The following CCDC180 variants were observed in gnomAD, a reference collection of about 807,000 sequenced individuals.
CCDC180 encodes the protein coiled-coil domain-containing protein 180.
In CCDC180, 154 loss-of-function variants were observed where a neutral mutation model predicts 209.2. The ratio of observed to expected loss-of-function variants is 0.74; its 90% CI spans 0.65 to 0.84. CCDC180 has a LOEUF of 0.84. Among genes scored for constraint, CCDC180 ranks in the 40% least tolerant of loss-of-function variants. The pLI is 0.00. For missense variants in CCDC180, 1,874 were observed against 1,997.3 expected (o/e 0.94, Z 1.18); for synonymous variants, 778 against 749.1 (o/e 1.04, Z -0.63).
At chr9:97,338,277 A>G (rs888786949) in intron 18 of CCDC180, among the ~76,000 whole-genome samples, 7 of 152,096 alleles carry the variant, frequency 4.6e-5, no homozygotes, top group Admixed American at 3.3e-4. Context: ...TAGATCTTTC[A>G]TGCTTTCTCT....
intron 16 of CCDC180, among the ~76,000 whole-genome samples, chr9:97,329,757 TG>T (rs2118679539): frequency 6.6e-6 from 1 of 152,224 alleles, no homozygotes; most frequent in South Asian, 2.1e-4. Flanking sequence ...AGGGGAGGGA[TG>T]GGTCCTTTTA....
intron 22 of CCDC180, among the ~76,000 whole-genome samples, chr9:97,351,337 T>TAA (rs1826414814): frequency 1.3e-5 from 2 of 152,230 alleles, no homozygotes; most frequent in African/African-American, 4.8e-5. Flanking sequence ...TGTTTTTTGT[T>TAA]TTTTATAATA....
chr9:97,309,657 C>G (rs1832916413), intron 3 of CCDC180, 53 bp downstream of exon 3: 1 of 1,405,310 alleles, frequency 7.1e-7, no homozygotes, highest in Admixed American at 2.9e-5. Context: ...CCTGAGCCTT[C>G]AAAAACTCAA....
intron 24 of CCDC180, among the ~76,000 whole-genome samples, chr9:97,356,745 C>A (rs1826596522): frequency 6.6e-6 from 1 of 152,236 alleles, no homozygotes; most frequent in Admixed American, 6.5e-5. Flanking sequence ...GGTTGCATTT[C>A]AAAATATCTA....
At position 97,307,682 on chromosome 9, in the gene CCDC180, A is replaced by C. The variant is rs1298003077; in HGVS notation, c.-206A>C. 1.9e-6 allele frequency: 3 copies of C among 1,558,620 alleles called. No individual in the cohort carries two copies. The highest frequency in any genetic ancestry group is 1.8e-6 in the Non-Finnish European group (2 of 1,133,152). Reference sequence around the variant, plus strand: ...TTGAGCGCCGTTAACTTTTCCCCGAAGAGCATGGCAGAGTGAAGCACAAGC... The same window carrying C: ...TTGAGCGCCGTTAACTTTTCCCCGACGAGCATGGCAGAGTGAAGCACAAGC... On this transcript the variant is annotated 5_prime_UTR_variant, in exon 1 of 37. Coordinates refer to ENST00000529487, the MANE Select transcript of CCDC180 (RefSeq NM_020893.6).
At position 97,313,255 on chromosome 9, in the gene CCDC180, C is replaced by G; in HGVS notation, c.369C>G (p.Thr123=). 6.2e-7 allele frequency: 1 copy of G among 1,611,160 alleles called. No individual in the cohort carries two copies. Among genetic ancestry groups the G allele is most frequent in the Non-Finnish European group, 8.5e-7 (1 of 1,178,162 alleles). The change falls in exon 5 of 37, where the codon ACC becomes ACG. Residue 123 remains threonine (T), a synonymous_variant. Coordinates refer to ENST00000529487, the MANE Select transcript of CCDC180 (RefSeq NM_020893.6). The part of the protein sequence containing the change: ...MDTIVPEKIS[T]STFQRQAEHK... ...CCGCAGTTCCTGAGAAGATAAGCACCAGCACCTTTCAAAGGCAAGCAGAAC... is the reference window on the plus strand; with the variant it reads ...CCGCAGTTCCTGAGAAGATAAGCACGAGCACCTTTCAAAGGCAAGCAGAAC...
Position 97,330,686 on chromosome 9 carries a change from A to ATAGGAG in CCDC180, c.2193_2194insTAGGAG (p.Glu731_Glu732insTer), listed in dbSNP as rs1825713483. ...CAGAGGAGGAAGATGAGAAGGAGGA[A>ATAGGAG]GAGGAGGAGGAGGAGAAGCTGGAGG... On this transcript the variant is annotated stop_gained and inframe_insertion, in exon 18 of 37. Coordinates refer to ENST00000529487, the MANE Select transcript of CCDC180 (RefSeq NM_020893.6). LOFTEE classifies it high-confidence loss of function. The ATAGGAG allele has an allele frequency of 5.7e-6, 9 of 1,586,226 alleles. No individual in the cohort carries two copies. Among genetic ancestry groups the ATAGGAG allele is most frequent in the Non-Finnish European group, 7.7e-6 (9 of 1,164,464 alleles).
intron 25 of CCDC180, among the ~76,000 whole-genome samples, chr9:97,359,630 G>T (rs772265096): frequency 1.3e-5 from 2 of 152,144 alleles, no homozygotes; most frequent in African/African-American, 2.4e-5. Flanking sequence ...TAGAATGTGA[G>T]AGCCAGAGGA....
intron 11 of CCDC180, among the ~76,000 whole-genome samples, chr9:97,321,648 A>T (rs1448554882): frequency 1.3e-5 from 2 of 152,194 alleles, no homozygotes; most frequent in Admixed American, 1.3e-4. Flanking sequence ...GGGCCCTGGC[A>T]TTCAGTAGCT....
chr9:97,375,340 T>C, intron 35 of CCDC180, 114 bp from the exon 36 acceptor site: 2 of 1,383,532 alleles, frequency 1.4e-6, no homozygotes, highest in Non-Finnish European at 2.0e-6. Context: ...ATTAAGATAT[T>C]TAAAGCCATG....
rs1832858745 is a variant in CCDC180 at position 97,308,141 on chromosome 9, C to T, written c.69+9C>T. 1.3e-6 allele frequency: 2 copies of T among 1,586,264 alleles called. No individual in the cohort carries two copies. Among genetic ancestry groups the T allele is most frequent in the Non-Finnish European group, 1.7e-6 (2 of 1,166,784 alleles). ...AGATCTTCCAGGCTGAGGTAGGAGC[C>T]GCCCTCTGTCCCGCTTTTCTCCATC... is the stretch of plus-strand genomic sequence containing the variant. On this transcript the variant is annotated intron_variant, in intron 2 of 36. Coordinates refer to ENST00000529487, the MANE Select transcript of CCDC180 (RefSeq NM_020893.6).
rs1360086321 is a variant in CCDC180, at chr9:97,314,874, T to C, written c.723T>C (p.Tyr241=). 1.2e-6 allele frequency: 2 copies of C among 1,614,132 alleles called. No homozygotes were observed. The highest frequency in any genetic ancestry group is 1.7e-5 in the Admixed American group (1 of 60,028). The part of the protein sequence containing the change: ...TDKLKSVLKK[Y]AEVIEKTSYL... ...AGCTAAAAAGCGTGTTGAAGAAATATGCAGAAGTCATAGAGAAAACTTCCT... is the reference window on the plus strand; with the variant it reads ...AGCTAAAAAGCGTGTTGAAGAAATACGCAGAAGTCATAGAGAAAACTTCCT... The change falls in exon 8 of 37, where the codon TAT becomes TAC. Residue 241 remains tyrosine (Y), a synonymous_variant. Coordinates refer to ENST00000529487, the MANE Select transcript of CCDC180 (RefSeq NM_020893.6).
At position 97,371,974 on chromosome 9, in the gene CCDC180, G is replaced by A. The variant is rs576012449; in HGVS notation, c.4600+268G>A. The A allele has an allele frequency of 1.5e-5, 4 of 264,148 alleles. No homozygotes were observed. In the South Asian group the frequency reaches 5.8e-4, roughly 39 times the overall value. 16.4% of individuals were successfully genotyped at this position (264,148 alleles called of 1,614,324 possible). A position where few individuals can be genotyped will look rare whatever the true frequency, so the allele number is the denominator to read the frequency against. ...GATACCTTTTCTAAGTATGACAGGA[G>A]AGCTAGAAGCCATAGAGGGAATGGC... On this transcript the variant is annotated intron_variant, in intron 34 of 36. Transcript: ENST00000529487.
At chr9:97,334,721 A>G (rs1012069490) in intron 18 of CCDC180, among the ~76,000 whole-genome samples, 1 of 152,200 alleles carries the variant, frequency 6.6e-6, no homozygotes, top group Non-Finnish European at 1.5e-5. Context: ...TATAGTTTAC[A>G]TTATTTATAG....
chr9:97,314,614 G>A lies in CCDC180; in HGVS notation c.589-4G>A, dbSNP rs3747502. 0.11 allele frequency: 174,219 copies of A among 1,613,840 alleles called. 12,751 individuals carry two copies. The highest frequency in any genetic ancestry group is 0.37 in the African/African-American group (27,683 of 74,918). On this transcript the variant is annotated splice_region_variant and splice_polypyrimidine_tract_variant and intron_variant, in intron 6 of 36. Coordinates refer to ENST00000529487, the MANE Select transcript of CCDC180 (RefSeq NM_020893.6). ...CCTAGCCTGACCCAAACTTCTCTGC[G>A]TAGGCCCTGCTGGAGCTGTGGGATA...
chr9:97,339,488 C>T (rs890435649), intron 18 of CCDC180, among the ~76,000 whole-genome samples: 2 of 149,534 alleles, frequency 1.3e-5, no homozygotes, highest in African/African-American at 2.5e-5. Context: ...TATTGGCCCC[C>T]ACTCTCTTCT....
chr9:97,334,076 C>T (rs960467081), intron 18 of CCDC180, among the ~76,000 whole-genome samples: 3 of 151,876 alleles, frequency 2.0e-5, no homozygotes, highest in African/African-American at 7.3e-5. Context: ...TTACTTATTA[C>T]AAAGTATTTT....
At chr9:97,356,123 G>A (rs1826578438) in intron 24 of CCDC180, among the ~76,000 whole-genome samples, 1 of 152,156 alleles carries the variant, frequency 6.6e-6, no homozygotes, top group South Asian at 2.1e-4. Flanking sequence ...TGTCAGCAGG[G>A]ACACATTCTG....
In CCDC180 at chr9:97,347,628, G is replaced by A. The variant is rs917461724; in HGVS notation, c.2674+139G>A. On this transcript the variant is annotated intron_variant, in intron 20 of 36. Transcript: ENST00000529487. ...ATGTTCTCATCACACCATGGAAGAT[G>A]TACATGAGGGTTCGCACCTCTGAGG... The A allele has an allele frequency of 1.5e-5, 12 of 788,570 alleles. No individual in the cohort carries two copies. The African/African-American group carries it at 2.1e-4, about 14-fold the overall frequency. 48.8% of individuals were successfully genotyped at this position (788,570 alleles called of 1,614,324 possible).
Sources: allele counts gnomAD v4.1 joint callset (sites outside exome capture counted in the v4.1 genomes callset), GRCh38; gene constraint gnomAD v4.1.1; transcripts MANE v1.5; gene names NCBI Gene and HGNC (gene_info 2026-07-23, HGNC 2026-07-21).